NRG3: variants seen among roughly 807,000 people sequenced by gnomAD.
NRG3 encodes the protein pro-neuregulin-3, membrane-bound isoform.
NRG3 carries 31 observed loss-of-function variants against 66.9 expected under a neutral mutation model. The ratio of observed to expected loss-of-function variants is 0.46; its 90% CI spans 0.35 to 0.63. NRG3 has a LOEUF of 0.63. Among genes scored for constraint, NRG3 ranks in the 20% least tolerant of loss-of-function variants. The pLI, the probability that NRG3 is intolerant of heterozygous loss-of-function variation, is 0.00. For missense variants in NRG3, 910 were observed against 878.9 expected (o/e 1.04, Z -0.45); for synonymous variants, 393 against 359.4 (o/e 1.09, Z -1.06).
intron 1 of NRG3, among the ~76,000 whole-genome samples, chr10:82,013,732 A>G: frequency 6.6e-6 from 1 of 152,086 alleles, no homozygotes; most frequent in Admixed American, 6.5e-5. Flanking sequence ...ATTATCTCTA[A>G]TTTTCTCACT....
intron 4 of NRG3, among the ~76,000 whole-genome samples, chr10:82,935,912 G>A (rs1381119770): frequency 1.3e-5 from 2 of 151,998 alleles, no homozygotes; most frequent in African/African-American, 4.8e-5. Flanking sequence ...AGAACATATG[G>A]TATGATTCTA....
Position 82,461,195 on chromosome 10 carries a change from A to G in NRG3, c.953+102327A>G, listed in dbSNP as rs371570086. Reference sequence around the variant, plus strand: ...TATCATCAACACCATCACCACCACAATCACCACCATTAACACCATTACCAC... The same window carrying G: ...TATCATCAACACCATCACCACCACAGTCACCACCATTAACACCATTACCAC... On this transcript the variant is annotated intron_variant, in intron 2 of 8. Transcript: ENST00000372141. Among the ~76,000 whole-genome samples the G allele has an allele frequency of 6.6e-5, 10 of 151,324 alleles. 1 individual carries two copies. Among genetic ancestry groups the G allele is most frequent in the African/African-American group, 2.4e-4 (10 of 41,172 alleles).
At chr10:82,852,028 T>G (rs2063585090) in intron 3 of NRG3, among the ~76,000 whole-genome samples, 1 of 151,966 alleles carries the variant, frequency 6.6e-6, no homozygotes, top group East Asian at 1.9e-4. Context: ...AAAATGAAGC[T>G]TACCAGACTG....
At chr10:82,758,013 T>C (rs528495379) in intron 3 of NRG3, among the ~76,000 whole-genome samples, 5 of 152,228 alleles carry the variant, frequency 3.3e-5, no homozygotes, top group South Asian at 2.1e-4. Flanking sequence ...TGAGGCCAAC[T>C]TAGACAGGTG....
At chr10:82,762,591 A>T (rs1315906463) in intron 3 of NRG3, among the ~76,000 whole-genome samples, 3 of 152,212 alleles carry the variant, frequency 2.0e-5, no homozygotes, top group Admixed American at 6.6e-5. Flanking sequence ...TTCCGTATAC[A>T]TATATACATT....
At chr10:82,218,129 T>A (rs1441066737) in intron 1 of NRG3, among the ~76,000 whole-genome samples, 1 of 152,212 alleles carries the variant, frequency 6.6e-6, no homozygotes, top group South Asian at 2.1e-4. Flanking sequence ...TTAATCTACA[T>A]GTGAGATATC....
rs1347634140 is a variant in NRG3, at chr10:82,951,504, A to G, written c.1090A>G (p.Ile364Val). 6 of 1,613,972 alleles carry G rather than the reference A, an allele frequency of 3.7e-6. No individual in the cohort carries two copies. Among genetic ancestry groups the G allele is most frequent in the Admixed American group, 1.7e-5 (1 of 60,008 alleles). The change falls in exon 5 of 9, where the codon ATT (isoleucine) becomes GTT (valine). Residue 364 changes from isoleucine (I) to valine (V), a missense_variant. By Grantham distance (29) the Ile-to-Val change is conservative. Transcript: ENST00000372141. ...AGTTTATCAAAGGCAGGTGCTGTCA[A>G]TTTCATGTATCATCTTTGGAATTGT... is the stretch of plus-strand genomic sequence containing the variant. ...EEVYQRQVLS[I>V]SCIIFGIVIV...
chr10:81,938,833 T>TTCC (rs1450189024), intron 1 of NRG3, among the ~76,000 whole-genome samples: 1 of 152,106 alleles, frequency 6.6e-6, no homozygotes, highest in East Asian at 1.9e-4. Flanking sequence ...CCTTGCCTTC[T>TTCC]TCCTGATCAT....
chr10:81,914,769 CAAAA>C (rs58460918), intron 1 of NRG3, among the ~76,000 whole-genome samples: 2 of 67,182 alleles, frequency 3.0e-5, no homozygotes. Context: ...AAACAGAAAG[CAAAA>C]AAAAAAAAAA....
chr10:82,081,746 G>A (rs2065407486), intron 1 of NRG3, among the ~76,000 whole-genome samples: 1 of 152,162 alleles, frequency 6.6e-6, no homozygotes, highest in African/African-American at 2.4e-5. Flanking sequence ...ACAGAGAAAG[G>A]CAGTGGGGCC....
chr10:82,588,717 G>A (rs2046816978), intron 2 of NRG3, among the ~76,000 whole-genome samples: 1 of 152,000 alleles, frequency 6.6e-6, no homozygotes, highest in South Asian at 2.1e-4. Context: ...TAGCCAGGAT[G>A]GTCTTGATCT....
chr10:82,189,824 G>A lies in NRG3; in HGVS notation c.824-168915G>A, dbSNP rs140894820. Among the ~76,000 whole-genome samples, 164 of 151,878 alleles carry A rather than the reference G, an allele frequency of 1.1e-3. 1 individual carries two copies. Among genetic ancestry groups the A allele is most frequent in the Middle Eastern group, 3.4e-3 (1 of 294 alleles). On this transcript the variant is annotated intron_variant, in intron 1 of 8. Coordinates refer to ENST00000372141, the MANE Select transcript of NRG3 (RefSeq NM_001010848.4). ...AAATAAATAAATAAATTAGCCAGAT[G>A]TGGTGGCGAGCACCTGTAATCCCAG...
At chr10:82,189,693 G>T (rs796943846) in intron 1 of NRG3, among the ~76,000 whole-genome samples, 1 of 152,128 alleles carries the variant, frequency 6.6e-6, no homozygotes, top group African/African-American at 2.4e-5. Flanking sequence ...GGGAGGCTTA[G>T]GTAGGAGAAT....
chr10:82,509,729 G>T (rs1383505453), intron 2 of NRG3, among the ~76,000 whole-genome samples: 1 of 152,110 alleles, frequency 6.6e-6, no homozygotes, highest in Non-Finnish European at 1.5e-5. Flanking sequence ...ATACACATAG[G>T]ATTATTGAAT....
intron 4 of NRG3, among the ~76,000 whole-genome samples, chr10:82,892,596 A>G (rs1021058177): frequency 1.3e-5 from 2 of 151,968 alleles, no homozygotes; most frequent in Admixed American, 1.3e-4. Flanking sequence ...AACCTAGGAG[A>G]TTGAGGCTGC....
chr10:82,725,090 C>T (rs757543751), intron 2 of NRG3, among the ~76,000 whole-genome samples: 5 of 152,320 alleles, frequency 3.3e-5, no homozygotes, highest in East Asian at 1.9e-4. Context: ...CTCTGTTACA[C>T]GTCTGTATTC....
intron 1 of NRG3, among the ~76,000 whole-genome samples, chr10:81,985,837 A>G (rs2060497596): frequency 6.6e-6 from 1 of 152,254 alleles, no homozygotes; most frequent in Admixed American, 6.5e-5. Flanking sequence ...AAAGGAAAAT[A>G]ACATAGAATG....
At position 82,985,507 on chromosome 10, in the gene NRG3, A is replaced by G. The variant is rs778713156; in HGVS notation, c.1993A>G (p.Thr665Ala). The G allele has an allele frequency of 2.5e-6, 4 of 1,613,970 alleles. No homozygotes were observed. Among genetic ancestry groups the G allele is most frequent in the South Asian group, 2.2e-5 (2 of 91,086 alleles). Residue 665 changes from threonine (T) to alanine (A), a missense_variant, in exon 9 of 9, where the codon ACA becomes GCA. Thr to Ala is a moderately conservative substitution (Grantham distance 58). Coordinates refer to ENST00000372141, the MANE Select transcript of NRG3 (RefSeq NM_001010848.4). ...AACCGAGGACAGTGCAAGCGAAAAC[A>G]CAGCCTTTCTCCCCCTGAGTCCCAC... ...VETEDSASEN[T>A]AFLPLSPTAK... is the part of the protein sequence containing the mutation.
intron 4 of NRG3, among the ~76,000 whole-genome samples, chr10:82,914,749 C>CT (rs200748869): frequency 0.14 from 20,498 of 143,656 alleles, 2,069 homozygotes; most frequent in East Asian, 0.48. Context: ...TGATTTTTAG[C>CT]TTTTTTTTTT....
Sources: gnomAD v4.1 joint callset for allele counts (sites outside exome capture counted in the v4.1 genomes callset) on GRCh38, gnomAD v4.1.1 for gene constraint, MANE v1.5 for transcripts, NCBI Gene and HGNC (gene_info 2026-07-23, HGNC 2026-07-21) for gene names.